The following TIAM2 variants were observed in gnomAD, a reference collection of about 807,000 sequenced individuals.
The protein encoded by TIAM2 is rho guanine nucleotide exchange factor TIAM2.
Under a neutral mutation model 152.9 loss-of-function variants are expected in TIAM2, and 80 were observed. The ratio of observed to expected loss-of-function variants is 0.52; its 90% CI spans 0.44 to 0.63. The LOEUF (loss-of-function observed/expected upper bound fraction) is 0.63. Ranked by LOEUF, TIAM2 falls within the 30% of genes least tolerant of loss-of-function variation. TIAM2 has a pLI of 0.00. For synonymous variants in TIAM2, 804 were observed against 838.0 expected, an observed-to-expected ratio of 0.96 and a Z score of 0.70; for missense variants, 1,965 against 2,120.1, an observed-to-expected ratio of 0.93 and a Z score of 1.44.
intron 1 of TIAM2, among the ~76,000 whole-genome samples, chr6:155,051,782 T>C (rs746229726): frequency 2.0e-5 from 3 of 152,028 alleles, no homozygotes; most frequent in Non-Finnish European, 4.4e-5. Flanking sequence ...GTAGCTGGGA[T>C]TACAGGCGCA....
At chr6:155,196,864 A>G (rs1331395185) in intron 14 of TIAM2, among the ~76,000 whole-genome samples, 1 of 152,228 alleles carries the variant, frequency 6.6e-6, no homozygotes, top group Non-Finnish European at 1.5e-5. Context: ...TCTCATATAA[A>G]TCCATTTATC....
At chr6:155,172,845 G>GA (rs1287086700) in intron 9 of TIAM2, among the ~76,000 whole-genome samples, 2 of 150,842 alleles carry the variant, frequency 1.3e-5, no homozygotes, top group African/African-American at 2.4e-5. Flanking sequence ...GGGTAACCTG[G>GA]AAAAAGAGTT....
intron 2 of TIAM2, among the ~76,000 whole-genome samples, chr6:155,101,794 T>C (rs1456107906): frequency 6.6e-6 from 1 of 151,858 alleles, no homozygotes; most frequent in Non-Finnish European, 1.5e-5. Context: ...CACTGCAGCC[T>C]CTGCCTCTCG....
At chr6:155,006,068 G>A (rs1401166411) in intron 1 of TIAM2, among the ~76,000 whole-genome samples, 1 of 152,190 alleles carries the variant, frequency 6.6e-6, no homozygotes, top group Admixed American at 6.5e-5. Flanking sequence ...CTGGGTCCTC[G>A]AGCCTCGAGG....
At position 155,168,954 on chromosome 6, in the gene TIAM2, A is replaced by G. The variant is rs1780508796; in HGVS notation, c.2361+3545A>G. The stretch of plus-strand genomic sequence containing the variant: ...ATAGATGGCCGCCATCTTGTTTTAC[A>G]TGAATGACACAAATGCTAACTTTTT... On this transcript the variant is annotated intron_variant, in intron 9 of 26. Transcript: ENST00000682666. The G allele has an allele frequency of 2.1e-6, 3 of 1,457,870 alleles. No homozygotes were observed. In the East Asian group the frequency reaches 7.4e-5, roughly 36 times the overall value. The allele number at this position is 1,457,870 out of a possible 1,614,324, so 90.3% of individuals were successfully genotyped here. A position where few individuals can be genotyped will look rare whatever the true frequency, so the allele number is the denominator to read the frequency against.
intron 15 of TIAM2, among the ~76,000 whole-genome samples, chr6:155,236,013 G>A (rs932521524): frequency 2.0e-5 from 3 of 152,016 alleles, no homozygotes; most frequent in Non-Finnish European, 4.4e-5. Context: ...CTATAGCCCT[G>A]GGAACTGTTA....
chr6:155,099,117 TC>T (rs1420444513), intron 2 of TIAM2, among the ~76,000 whole-genome samples: 2 of 126,990 alleles, frequency 1.6e-5, no homozygotes, highest in African/African-American at 2.8e-5. Flanking sequence ...AACCCGGGAG[TC>T]AGAGGTTGCG....
At chr6:155,181,410 A>T (rs1291193745) in intron 12 of TIAM2, among the ~76,000 whole-genome samples, 1 of 152,234 alleles carries the variant, frequency 6.6e-6, no homozygotes, top group Non-Finnish European at 1.5e-5. Flanking sequence ...ACTGAATTTC[A>T]TGTATTTCAG....
chr6:155,131,187 C>T (rs1272733221), intron 4 of TIAM2, among the ~76,000 whole-genome samples: 1 of 152,148 alleles, frequency 6.6e-6, no homozygotes, highest in Non-Finnish European at 1.5e-5. Flanking sequence ...TGGTGAAACC[C>T]TGTCTGTACC....
chr6:155,003,398 T>G (rs1273166872), intron 1 of TIAM2, among the ~76,000 whole-genome samples: 4 of 152,054 alleles, frequency 2.6e-5, no homozygotes, highest in Non-Finnish European at 4.4e-5. Context: ...AAGAATTACT[T>G]GAACCCGGGA....
At chr6:155,043,736 G>A (rs926314672) in intron 1 of TIAM2, among the ~76,000 whole-genome samples, 1 of 151,004 alleles carries the variant, frequency 6.6e-6, no homozygotes, top group Non-Finnish European at 1.5e-5. Context: ...ATTCTGCCAT[G>A]CACCCAGGGT....
At chr6:155,197,066 T>C (rs1278199289) in intron 14 of TIAM2, among the ~76,000 whole-genome samples, 1 of 152,184 alleles carries the variant, frequency 6.6e-6, no homozygotes, top group Non-Finnish European at 1.5e-5. Flanking sequence ...CCCTGGGGAG[T>C]GAGCAGGTGC....
chr6:155,155,893 T>A (rs1020254815), intron 7 of TIAM2, among the ~76,000 whole-genome samples: 3 of 152,220 alleles, frequency 2.0e-5, no homozygotes, highest in Non-Finnish European at 4.4e-5. Flanking sequence ...AGTCACTGTC[T>A]CTGCCCTCAG....
chr6:155,018,782 C>CT (rs36009750), intron 1 of TIAM2, among the ~76,000 whole-genome samples: 14,990 of 27,386 alleles, frequency 0.55, 5,475 homozygotes, highest in East Asian at 0.65. Flanking sequence ...CTTCCCATCA[C>CT]TTTTTTTTTT....
At chr6:155,231,958 G>A (rs915434533) in intron 15 of TIAM2, among the ~76,000 whole-genome samples, 1 of 152,122 alleles carries the variant, frequency 6.6e-6, no homozygotes, top group Admixed American at 6.5e-5. Context: ...GCACGCACCT[G>A]TAATCCCAGC....
intron 15 of TIAM2, among the ~76,000 whole-genome samples, chr6:155,234,989 C>T (rs1024245675): frequency 7.9e-5 from 12 of 151,544 alleles, no homozygotes; most frequent in African/African-American, 1.5e-4. Context: ...GAGCTAGAGA[C>T]GGAGCACAGC....
At chr6:155,045,210 G>T (rs1043523032) in intron 1 of TIAM2, among the ~76,000 whole-genome samples, 1 of 151,792 alleles carries the variant, frequency 6.6e-6, no homozygotes. Context: ...GGGATTGCAG[G>T]CGCACACCAC....
Position 155,218,807 on chromosome 6 carries a change from CCCACCCGTGTTCTTGACCATCTCAGCCAT to C in TIAM2, c.3168+7514_3168+7542del. ...GTGCATGCTTTGACCATCTCAGCTG[CCCACCCGTGTTCTTGACCATCTCAGCCAT>C]CCACCCGTGTTCTCGACCATCTCAG... On this transcript the variant is annotated intron_variant, in intron 15 of 26. Coordinates refer to ENST00000682666, the MANE Select transcript of TIAM2 (RefSeq NM_012454.4). This position sits in a 1 kb window ranked among gnomAD's most constrained non-coding sequence, Gnocchi z 4.5. 6.6e-6 allele frequency among the ~76,000 whole-genome samples: 1 copy of C among 152,046 alleles called. No individual in the cohort carries two copies. The highest frequency in any genetic ancestry group is 2.4e-5 in the African/African-American group (1 of 41,400).
At chr6:155,003,598 C>T (rs1431628447) in intron 1 of TIAM2, among the ~76,000 whole-genome samples, 1 of 152,226 alleles carries the variant, frequency 6.6e-6, no homozygotes, top group East Asian at 1.9e-4. Context: ...TGGGCCAAGT[C>T]TCCACCGGGG....
Sources: gnomAD v4.1 joint callset for allele counts (sites outside exome capture counted in the v4.1 genomes callset) on GRCh38, gnomAD v4.1.1 for gene constraint, Gnocchi (gnomAD v3.1) non-coding constraint, MANE v1.5 for transcripts, NCBI Gene and HGNC (gene_info 2026-07-23, HGNC 2026-07-21) for gene names.